The following CCDC180 variants were observed in gnomAD, a reference collection of about 807,000 sequenced individuals.
The protein encoded by CCDC180 is coiled-coil domain-containing protein 180.
In CCDC180, 154 loss-of-function variants were observed where a neutral mutation model predicts 209.2. The ratio of observed to expected loss-of-function variants is 0.74; its 90% CI spans 0.65 to 0.84. The LOEUF is 0.84. CCDC180 is among the 40% of genes least tolerant of loss of function. The pLI, the probability that CCDC180 is intolerant of heterozygous loss-of-function variation, is 0.00. For missense variants in CCDC180, 1,874 were observed against 1,997.3 expected (o/e 0.94, Z 1.18); for synonymous variants, 778 against 749.1 (o/e 1.04, Z -0.63).
At chr9:97,309,330 T>G (rs952502856) in intron 2 of CCDC180, 84 bp from the exon 3 acceptor site, 2 of 1,386,132 alleles carry the variant, frequency 1.4e-6, no homozygotes, top group Non-Finnish European at 2.0e-6. Context: ...TGGATGTCTT[T>G]CTAGACAGCC....
At chr9:97,372,275 A>G (rs2045729) in intron 34 of CCDC180, 29,214 of 152,182 alleles carry the variant, frequency 0.19, 3,015 homozygotes, top group East Asian at 0.3. Flanking sequence ...ATCATTTCTC[A>G]CCAATAGCCT....
chr9:97,328,856 G>A (rs1172680384), intron 16 of CCDC180, among the ~76,000 whole-genome samples: 2 of 152,234 alleles, frequency 1.3e-5, no homozygotes, highest in Non-Finnish European at 2.9e-5. Flanking sequence ...TAAAGGGCAA[G>A]TATGCCTTAA....
Position 97,337,646 on chromosome 9 carries a change from A to C in CCDC180, c.2275-5694A>C, listed in dbSNP as rs554099405. On this transcript the variant is annotated intron_variant, in intron 18 of 36. Transcript: ENST00000529487. Reference sequence around the variant, plus strand: ...TCTCTTTTTTTGTTGTGTCTCTGCCAGGCTTTGGTATCAGGATGATGCTGG... The same window carrying C: ...TCTCTTTTTTTGTTGTGTCTCTGCCCGGCTTTGGTATCAGGATGATGCTGG... Among the ~76,000 whole-genome samples, 37 of 152,316 alleles carry C rather than the reference A, an allele frequency of 2.4e-4. No homozygotes were observed. In the East Asian group the frequency reaches 2.7e-3, roughly 11 times the overall value.
chr9:97,326,594 G>A lies in CCDC180; in HGVS notation c.1586G>A (p.Arg529Lys), dbSNP rs1833540794. Residue 529 changes from arginine (R) to lysine (K), a missense_variant, in exon 15 of 37, where the codon AGG becomes AAG. Transcript: ENST00000529487. ...AHLDRLLDQL[R>K]QQSDKETLAF... is the part of the protein sequence containing the mutation. Reference sequence around the variant, plus strand: ...CTCGATAGGCTCTTGGACCAACTGAGGCAGCAAAGTGACAAAGAAACACTG... The same window carrying A: ...CTCGATAGGCTCTTGGACCAACTGAAGCAGCAAAGTGACAAAGAAACACTG... 6.2e-7 allele frequency: 1 copy of A among 1,614,030 alleles called. No homozygotes were observed. The highest frequency in any genetic ancestry group is 1.3e-5 in the African/African-American group (1 of 75,034).
intron 18 of CCDC180, among the ~76,000 whole-genome samples, chr9:97,337,763 G>A (rs1193933529): frequency 6.6e-6 from 1 of 152,150 alleles, no homozygotes; most frequent in Non-Finnish European, 1.5e-5. Context: ...TGTACCTCTG[G>A]TAGAATTCGG....
intron 4 of CCDC180, 26 bp from the exon 5 acceptor site, chr9:97,313,210 T>G (rs1330183941): frequency 6.6e-7 from 1 of 1,512,172 alleles, no homozygotes. Flanking sequence ...GAAGGCAGCC[T>G]CATCACCTCT....
intron 22 of CCDC180, among the ~76,000 whole-genome samples, chr9:97,351,682 A>T (rs1162394860): frequency 6.6e-6 from 1 of 151,988 alleles, no homozygotes; most frequent in Admixed American, 6.6e-5. Flanking sequence ...ATGAGCAAAA[A>T]ATTGTTAGTT....
intron 3 of CCDC180, among the ~76,000 whole-genome samples, chr9:97,311,850 C>T (rs554528140): frequency 2.6e-5 from 4 of 152,262 alleles, no homozygotes; most frequent in Admixed American, 6.5e-5. Flanking sequence ...CACACTTGAC[C>T]ACCAGAGCCA....
chr9:97,363,485 A>G (rs369821751), intron 28 of CCDC180: 97 of 430,242 alleles, frequency 2.3e-4, no homozygotes, highest in African/African-American at 1.7e-3. Flanking sequence ...TGACCTGTTT[A>G]CATGTTCAGT....
intron 33 of CCDC180, chr9:97,371,354 C>A: frequency 2.9e-6 from 1 of 349,266 alleles, no homozygotes; most frequent in Non-Finnish European, 5.2e-6. Context: ...GTTTTATTTC[C>A]TCTTCTGTGA....
intron 16 of CCDC180, 60 bp from the exon 17 acceptor site, chr9:97,330,094 G>A (rs1328896838): frequency 7.5e-6 from 10 of 1,340,672 alleles, no homozygotes; most frequent in Non-Finnish European, 1.0e-5. Context: ...AAAAAAGGTG[G>A]GGGGCACTCT....
chr9:97,343,590 TC>T (rs1427314943), intron 19 of CCDC180, 27 bp downstream of exon 19: 4 of 1,483,104 alleles, frequency 2.7e-6, no homozygotes, highest in Non-Finnish European at 3.7e-6. Flanking sequence ...TTTATTCTCA[TC>T]CTGTTGTTCT....
rs1197718590 is a variant in CCDC180 at position 97,318,500 on chromosome 9, G to A, written c.997G>A (p.Ala333Thr). ...MASESIHTPP[A>T]VTKELEVMLK... ...CAGTGAGAGTATCCATACTCCCCCG[G>A]CTGTGACGAAGGAGCTAGAGGTCAT... The change falls in exon 10 of 37, where the codon GCT becomes ACT. Residue 333 changes from alanine (A) to threonine (T), a missense_variant. Transcript: ENST00000529487. 3 of 1,613,776 alleles carry A rather than the reference G, an allele frequency of 1.9e-6. No homozygotes were observed. Among genetic ancestry groups the A allele is most frequent in the Middle Eastern group, 1.7e-4 (1 of 6,060 alleles).
rs1833595750 is a variant in CCDC180 at position 97,328,106 on chromosome 9, C to T, written c.1748C>T (p.Ala583Val). The T allele has an allele frequency of 1.2e-6, 2 of 1,614,080 alleles. No homozygotes were observed. Among genetic ancestry groups the T allele is most frequent in the South Asian group, 2.2e-5 (2 of 91,068 alleles). ...AAAGAACTCAACTCCTACAGCTCTG[C>T]CCTCAGCCAATACTTCTTTGTGCGT... ...MLKELNSYSS[A>V]LSQYFFVREI... Residue 583 changes from alanine to valine, a missense_variant, in exon 16 of 37, where the codon GCC becomes GTC. Ala to Val is a moderately conservative substitution (Grantham distance 64, BLOSUM62 0). Transcript: ENST00000529487.
chr9:97,328,399 T>C (rs912290038), intron 16 of CCDC180, among the ~76,000 whole-genome samples: 3 of 152,156 alleles, frequency 2.0e-5, no homozygotes, highest in African/African-American at 4.8e-5. Context: ...TATATGGTGC[T>C]TGGAATTCCA....
At position 97,361,880 on chromosome 9, in the gene CCDC180, T is replaced by C. The variant is rs1265039057; in HGVS notation, c.3638T>C (p.Val1213Ala). The change falls in exon 27 of 37, where the codon GTG becomes GCG. Residue 1213 changes from valine (V) to alanine (A), a missense_variant. By Grantham distance (64) the Val-to-Ala change is moderately conservative. Coordinates refer to ENST00000529487, the MANE Select transcript of CCDC180 (RefSeq NM_020893.6). ...CTGATTGAGGACCCAGCTGTGGATGTGATCAGGAAGCTCCTGCAGTGAGTG... is the reference window on the plus strand; with the variant it reads ...CTGATTGAGGACCCAGCTGTGGATGCGATCAGGAAGCTCCTGCAGTGAGTG... ...KPLIEDPAVD[V>A]IRKLLQLPNT... 1 of 1,614,060 alleles carries C rather than the reference T, an allele frequency of 6.2e-7. No individual in the cohort carries two copies. The highest frequency in any genetic ancestry group is 1.3e-5 in the African/African-American group (1 of 75,034).
At position 97,370,721 on chromosome 9, in the gene CCDC180, A is replaced by G; in HGVS notation, c.4431A>G (p.Glu1477=). 6.2e-7 allele frequency: 1 copy of G among 1,614,180 alleles called. No individual in the cohort carries two copies. ...FQEMESLHLS[E]EERQEELDSM... ...AAATGGAGTCTCTACACTTAAGTGAAGAGGAAAGGCAGGAAGAGCTGGACA... is the reference window on the plus strand; with the variant it reads ...AAATGGAGTCTCTACACTTAAGTGAGGAGGAAAGGCAGGAAGAGCTGGACA... The change falls in exon 33 of 37, where the codon GAA becomes GAG. Residue 1477 remains glutamate, a synonymous_variant. Coordinates refer to ENST00000529487, the MANE Select transcript of CCDC180 (RefSeq NM_020893.6).
chr9:97,347,249 T>C (rs1826284021), intron 19 of CCDC180, 65 bp from the exon 20 acceptor site: 1 of 1,484,650 alleles, frequency 6.7e-7, no homozygotes, highest in South Asian at 1.3e-5. Flanking sequence ...TGGGTCTCCA[T>C]ATGGAAAGAC....
In CCDC180 at chr9:97,343,565, T is replaced by C; in HGVS notation, c.2498+2T>C. The C allele has an allele frequency of 6.3e-7, 1 of 1,597,142 alleles. No homozygotes were observed. The highest frequency in any genetic ancestry group is 8.6e-7 in the Non-Finnish European group (1 of 1,165,360). On this transcript the variant is annotated splice_donor_variant, in intron 19 of 36. Transcript: ENST00000529487. LOFTEE classifies it high-confidence loss of function. ...ACTAATTTTAGAAATTAAGAAACAG[T>C]GAGTAAAAAACTATTTTATTCTCAT...
Sources: allele counts gnomAD v4.1 joint callset (sites outside exome capture counted in the v4.1 genomes callset), GRCh38; gene constraint gnomAD v4.1.1; transcripts MANE v1.5; gene names NCBI Gene and HGNC (gene_info 2026-07-23, HGNC 2026-07-21).